Variants in PFKP observed in about 807,000 individuals in gnomAD.
PFKP encodes ATP-dependent 6-phosphofructokinase, platelet type.
In PFKP, 101 loss-of-function variants were observed where a neutral mutation model predicts 94.3. The ratio of observed to expected loss-of-function variants is 1.07; its 90% CI spans 0.91 to 1.26. PFKP has a LOEUF of 1.26. Among genes scored for constraint, PFKP ranks in the 50% most tolerant of loss-of-function variants. The probability of loss-of-function intolerance (pLI) is 0.00; values close to 1 mark genes in which losing one functional copy is unlikely to be tolerated. For missense variants in PFKP, 1,145 were observed against 1,103.3 expected (o/e 1.04, Z -0.53); for synonymous variants, 573 against 432.6 (o/e 1.32, Z -4.03).
In PFKP at chr10:3,134,592, CTG is replaced by C; in HGVS notation, c.2122+11_2122+12del. On this transcript the variant is annotated intron_variant, in intron 20 of 21. Coordinates refer to ENST00000381125, the MANE Select transcript of PFKP (RefSeq NM_002627.5). ...GAGGCCCGGGGCAGAGGTAAGGGGT[CTG>C]GGGAGGGAGGCCACAGCCTCGTGAT... 6.3e-7 allele frequency: 1 copy of C among 1,580,898 alleles called. No individual in the cohort carries two copies. Among genetic ancestry groups the C allele is most frequent in the Non-Finnish European group, 8.7e-7 (1 of 1,150,236 alleles).
Position 3,105,159 on chromosome 10 carries a change from G to A in PFKP, c.665G>A (p.Gly222Glu). 6.2e-7 allele frequency: 1 copy of A among 1,613,804 alleles called. No homozygotes were observed. Among genetic ancestry groups the A allele is most frequent in the Non-Finnish European group, 8.5e-7 (1 of 1,179,810 alleles). ...CTGGAGGTGATGGGACGACACTGTG[G>A]GTACGTACCTGCGGTGGGTCCGGTG... ...FVLEVMGRHC[G>E]YLALVSALAC... Residue 222 changes from glycine to glutamate, a missense_variant and splice_region_variant, in exon 6 of 22, where the codon GGG (glycine) becomes GAG (glutamate). By Grantham distance (98) the Gly-to-Glu change is moderately conservative. This residue lies in a region of PFKP where 1,119 missense variants were observed against 1,062.8 expected (regional missense o/e 1.05). Coordinates refer to ENST00000381125, the MANE Select transcript of PFKP (RefSeq NM_002627.5).
chr10:3,125,642 C>T (rs901169071), intron 16 of PFKP, among the ~76,000 whole-genome samples: 2 of 152,214 alleles, frequency 1.3e-5, no homozygotes, highest in Non-Finnish European at 2.9e-5. Context: ...GCCGTACCCA[C>T]TGGGGGCCGC....
chr10:3,096,130 C>T (rs914503040), intron 2 of PFKP, among the ~76,000 whole-genome samples: 9 of 152,204 alleles, frequency 5.9e-5, no homozygotes, highest in Admixed American at 5.2e-4. Flanking sequence ...ATTCTGTGAA[C>T]TCATGCAGGG....
rs139653001 is a variant in PFKP, at chr10:3,091,504, C to T, written c.187-7771C>T. On this transcript the variant is annotated intron_variant, in intron 2 of 21. Coordinates refer to ENST00000381125, the MANE Select transcript of PFKP (RefSeq NM_002627.5). ...TCAGAAATTGTTCATATTATTATAG[C>T]TCTTCAAATATGACTCACTTAAGAT... 4.9e-3 allele frequency among the ~76,000 whole-genome samples: 752 copies of T among 152,284 alleles called. 5 individuals carry two copies. Among genetic ancestry groups the T allele is most frequent in the African/African-American group, 0.017 (708 of 41,548 alleles).
At chr10:3,079,750 G>C (rs1330554087) in intron 1 of PFKP, among the ~76,000 whole-genome samples, 2 of 150,544 alleles carry the variant, frequency 1.3e-5, no homozygotes, top group Admixed American at 6.7e-5. Context: ...GTGTTGGCAC[G>C]GGCTGTGTTT....
At chr10:3,136,319 T>TATC in intron 21 of PFKP, 131 bp from the exon 22 acceptor site, 3 of 817,432 alleles carry the variant, frequency 3.7e-6, no homozygotes, top group Non-Finnish European at 5.9e-6. Context: ...AAATTGGCTT[T>TATC]ATCATCTAGT....
At chr10:3,088,566 G>A (rs1357665588) in intron 2 of PFKP, among the ~76,000 whole-genome samples, 1 of 152,146 alleles carries the variant, frequency 6.6e-6, no homozygotes, top group East Asian at 1.9e-4. Context: ...CTCTTTGCAG[G>A]GGTGGGTTTG....
intron 1 of PFKP, among the ~76,000 whole-genome samples, chr10:3,076,381 C>T (rs1164251577): frequency 2.6e-5 from 4 of 152,068 alleles, no homozygotes; most frequent in Admixed American, 6.6e-5. Context: ...GCTGCCGCCG[C>T]GCCCCCGCCC....
chr10:3,084,471 T>C (rs1466377481), intron 2 of PFKP, among the ~76,000 whole-genome samples: 1 of 152,224 alleles, frequency 6.6e-6, no homozygotes, highest in Non-Finnish European at 1.5e-5. Context: ...TTTTATTCAA[T>C]TAAACTGGTT....
chr10:3,089,385 T>TG (rs1167327029), intron 2 of PFKP, among the ~76,000 whole-genome samples: 2 of 152,162 alleles, frequency 1.3e-5, no homozygotes, highest in Admixed American at 1.3e-4. Context: ...GATTCCACAC[T>TG]GGGCTGTTGT....
Position 3,098,841 on chromosome 10 carries a change from C to T in PFKP, c.187-434C>T, listed in dbSNP as rs539830436. Among the ~76,000 whole-genome samples, 89 of 152,254 alleles carry T rather than the reference C, an allele frequency of 5.8e-4. 1 individual carries two copies. The highest frequency in any genetic ancestry group is 7.6e-4 in the Non-Finnish European group (52 of 68,040). ...AATATTCAACATACATCCCAAGTGG[C>T]GCAGGGTGCCTTGGCAGGCGGAGCC... On this transcript the variant is annotated intron_variant, in intron 2 of 21. Transcript: ENST00000381125.
At chr10:3,114,223 C>T (rs1473295617) in intron 13 of PFKP, among the ~76,000 whole-genome samples, 1 of 152,164 alleles carries the variant, frequency 6.6e-6, no homozygotes. Flanking sequence ...GATCTTGGCC[C>T]ACTGCAGCCT....
intron 10 of PFKP, among the ~76,000 whole-genome samples, chr10:3,109,772 G>C (rs1467918811): frequency 1.3e-5 from 2 of 152,104 alleles, no homozygotes; most frequent in African/African-American, 4.8e-5. Context: ...CTCAACAGTC[G>C]AGGATCCAGG....
Position 3,124,433 on chromosome 10 carries a change from G to A in PFKP, c.1683+4389G>A, listed in dbSNP as rs547584588. On this transcript the variant is annotated intron_variant, in intron 16 of 21. Transcript: ENST00000381125. ...AAGAACCGCTCCCCTTTCTGATACCGGAGCGCATTTCCCAGTGGAACCCCA... is the reference window on the plus strand; with the variant it reads ...AAGAACCGCTCCCCTTTCTGATACCAGAGCGCATTTCCCAGTGGAACCCCA... 5.3e-5 allele frequency among the ~76,000 whole-genome samples: 8 copies of A among 152,302 alleles called. 1 individual carries two copies. The South Asian group carries it at 1.4e-3, about 28-fold the overall frequency.
chr10:3,136,247 G>C (rs750172014), intron 21 of PFKP, among the ~76,000 whole-genome samples: 43 of 152,100 alleles, frequency 2.8e-4, no homozygotes, highest in Non-Finnish European at 4.9e-4. Context: ...CCTGGCGACA[G>C]AGCGAGACTC....
At position 3,121,586 on chromosome 10, in the gene PFKP, T is replaced by G. The variant is rs576216729; in HGVS notation, c.1683+1542T>G. 9.2e-4 allele frequency among the ~76,000 whole-genome samples: 81 copies of G among 88,136 alleles called. No homozygotes were observed. The South Asian group carries it at 0.019, about 20-fold the overall frequency. 57.8% of individuals were successfully genotyped at this position (88,136 alleles called of 152,430 possible). On this transcript the variant is annotated intron_variant, in intron 16 of 21. Transcript: ENST00000381125. ...GTCCTCTGCTATAAATAACTGTTTT[T>G]TTTTTTTTTTTTTCAGATTGTAAAT...
At position 3,131,526 on chromosome 10, in the gene PFKP, G is replaced by A. The variant is rs185132802; in HGVS notation, c.1849-854G>A. 5.6e-3 allele frequency among the ~76,000 whole-genome samples: 850 copies of A among 152,192 alleles called. 9 individuals are homozygous for A. The highest frequency in any genetic ancestry group is 7.5e-3 in the Non-Finnish European group (510 of 68,006). On this transcript the variant is annotated intron_variant, in intron 17 of 21. Transcript: ENST00000381125. Reference sequence around the variant, plus strand: ...GGCTGGAGTGTAGTGGCACAATCTCGGCTCACTGCAACTTCCGCCTCCTGG... The same window carrying A: ...GGCTGGAGTGTAGTGGCACAATCTCAGCTCACTGCAACTTCCGCCTCCTGG...
chr10:3,107,144 G>A, intron 7 of PFKP, 70 bp from the exon 8 acceptor site: 1 of 944,662 alleles, frequency 1.1e-6, no homozygotes, highest in Non-Finnish European at 1.7e-6. Flanking sequence ...ACAGACTTCT[G>A]TGGTTTTGTT....
At position 3,136,463 on chromosome 10, in the gene PFKP, AAAG is replaced by A; in HGVS notation, c.2242_2244del (p.Glu748del). On this transcript the variant is annotated inframe_deletion, in exon 22 of 22. Transcript: ENST00000381125. ...TTACCTCCACAGGCACAGGATTCCC[AAAG>A]AACAGTGGTGGCTCAAGCTACGGCC... 1 of 1,613,570 alleles carries A rather than the reference AAAG, an allele frequency of 6.2e-7. No individual in the cohort carries two copies. Among genetic ancestry groups the A allele is most frequent in the Non-Finnish European group, 8.5e-7 (1 of 1,179,658 alleles).
Sources: gnomAD v4.1 joint callset for allele counts (sites outside exome capture counted in the v4.1 genomes callset) on GRCh38, gnomAD v4.1.1 for gene constraint, gnomAD v4.1.1 regional missense constraint, MANE v1.5 for transcripts, NCBI Gene and HGNC (gene_info 2026-07-23, HGNC 2026-07-21) for gene names.